ECHDC1: variants seen among roughly 807,000 people sequenced by gnomAD.
ECHDC1 encodes the protein ethylmalonyl-CoA decarboxylase.
Under a neutral mutation model 29.7 loss-of-function variants are expected in ECHDC1, and 29 were observed. The ratio of observed to expected loss-of-function variants is 0.98; its 90% CI spans 0.73 to 1.33. ECHDC1 has a LOEUF of 1.33. Among genes scored for constraint, ECHDC1 ranks in the 40% most tolerant of loss-of-function variants. ECHDC1 has a pLI of 0.00. For missense variants in ECHDC1, 328 were observed against 350.0 expected (o/e 0.94, Z 0.50); for synonymous variants, 126 against 123.1 (o/e 1.02, Z -0.15).
At chr6:127,302,270 GAAC>G in intron 5 of ECHDC1, among the ~76,000 whole-genome samples, 1 of 152,282 alleles carries the variant, frequency 6.6e-6, no homozygotes, top group East Asian at 1.9e-4. Flanking sequence ...TAATAAAGGT[GAAC>G]ACCGGAATCT....
At chr6:127,326,973 A>C in intron 3 of ECHDC1, 29 bp downstream of exon 3, 1 of 1,599,872 alleles carries the variant, frequency 6.3e-7, no homozygotes, top group East Asian at 2.2e-5. Flanking sequence ...AACATGTAGA[A>C]TCAAATGCAT....
intron 1 of ECHDC1, among the ~76,000 whole-genome samples, chr6:127,342,076 A>C (rs560948968): frequency 1.3e-5 from 2 of 152,226 alleles, no homozygotes; most frequent in African/African-American, 4.8e-5. Flanking sequence ...TCTACCTGTT[A>C]CATTTTTGTC....
At chr6:127,326,423 C>A in intron 3 of ECHDC1, 1 of 377,856 alleles carries the variant, frequency 2.6e-6, no homozygotes, top group Non-Finnish European at 5.5e-6. Flanking sequence ...ACTACCCAGT[C>A]TCAGGTAGAT....
intron 3 of ECHDC1, among the ~76,000 whole-genome samples, chr6:127,318,833 A>G (rs1025050607): frequency 1.1e-4 from 17 of 152,240 alleles, no homozygotes; most frequent in Non-Finnish European, 4.4e-5. Context: ...GTAAAAGCCA[A>G]TGTGGAAGGA....
Position 127,290,206 on chromosome 6 carries a change from G to A in ECHDC1, c.569C>T (p.Thr190Ile), listed in dbSNP as rs1204625980. Residue 190 changes from threonine to isoleucine, a missense_variant, in exon 6 of 6, where the codon ACC becomes ATC. Transcript: ENST00000454859. The stretch of plus-strand genomic sequence containing the variant: ...TCCGATTATTTCAACTAGCCGGGTG[G>A]TGCCACCCCAGCTTGGTATTATGCC... ...EMGIIPSWGG[T>I]TRLVEIIGSR... 2 of 1,613,468 alleles carry A rather than the reference G, an allele frequency of 1.2e-6. No individual in the cohort carries two copies. Among genetic ancestry groups the A allele is most frequent in the African/African-American group, 2.7e-5 (2 of 74,874 alleles).
Position 127,327,131 on chromosome 6 carries a change from T to C in ECHDC1, c.234A>G (p.Leu78=), listed in dbSNP as rs1359140132. ...RMNAFSGVMM[L]QLLEKVIELE... is the part of the protein sequence containing the mutation. ...ATTCAATTACTTTTTCCAGAAGTTG[T>C]AGCATCATAACACCTGCCAGAGATG... The change falls in exon 3 of 6, where the codon CTA becomes CTG. Residue 78 remains leucine, a synonymous_variant. Transcript: ENST00000454859. 1.2e-6 allele frequency: 2 copies of C among 1,613,794 alleles called. No homozygotes were observed. The highest frequency in any genetic ancestry group is 1.7e-6 in the Non-Finnish European group (2 of 1,179,868).
chr6:127,326,833 G>A, intron 3 of ECHDC1, 169 bp downstream of exon 3: 1 of 635,452 alleles, frequency 1.6e-6, no homozygotes, highest in East Asian at 2.9e-5. Context: ...TCATTTGCTT[G>A]TTATATTGTT....
At chr6:127,338,395 T>C (rs943518588) in intron 1 of ECHDC1, among the ~76,000 whole-genome samples, 5 of 152,184 alleles carry the variant, frequency 3.3e-5, no homozygotes, top group African/African-American at 1.2e-4. Context: ...CCATTAAATT[T>C]AATGTATAAT....
chr6:127,302,854 CAT>C (rs1441410241), intron 5 of ECHDC1, among the ~76,000 whole-genome samples: 1 of 152,158 alleles, frequency 6.6e-6, no homozygotes, highest in Non-Finnish European at 1.5e-5. Flanking sequence ...TCATATCAAG[CAT>C]AAAGCCAATG....
At chr6:127,340,364 C>G (rs555112752) in intron 1 of ECHDC1, among the ~76,000 whole-genome samples, 32 of 152,308 alleles carry the variant, frequency 2.1e-4, no homozygotes, top group African/African-American at 6.3e-4. Flanking sequence ...AGGGAACTTG[C>G]TTTCTCCCTC....
intron 5 of ECHDC1, among the ~76,000 whole-genome samples, chr6:127,296,560 C>CAG (rs1403169208): frequency 6.6e-6 from 1 of 151,988 alleles, no homozygotes; most frequent in Non-Finnish European, 1.5e-5. Context: ...AAACACTTCA[C>CAG]AGATAATGAC....
chr6:127,301,218 C>T (rs779198503), intron 5 of ECHDC1, among the ~76,000 whole-genome samples: 1 of 152,092 alleles, frequency 6.6e-6, no homozygotes, highest in African/African-American at 2.4e-5. Context: ...TGAGTGTTTC[C>T]GACATACGTA....
intron 2 of ECHDC1, among the ~76,000 whole-genome samples, chr6:127,330,535 G>A (rs914178585): frequency 2.0e-5 from 3 of 151,970 alleles, no homozygotes; most frequent in Non-Finnish European, 2.9e-5. Context: ...AATGAATTTC[G>A]GTGGAAAATA....
chr6:127,295,863 C>T (rs1156463640), intron 5 of ECHDC1, among the ~76,000 whole-genome samples: 2 of 152,110 alleles, frequency 1.3e-5, no homozygotes, highest in African/African-American at 2.4e-5. Flanking sequence ...AAACAACAGA[C>T]CTAACTGCAA....
chr6:127,340,653 G>A (rs561515469), intron 1 of ECHDC1, among the ~76,000 whole-genome samples: 2 of 150,870 alleles, frequency 1.3e-5, no homozygotes, highest in South Asian at 4.2e-4. Flanking sequence ...GCAGATACAT[G>A]TGGGGCAGAG....
intron 1 of ECHDC1, among the ~76,000 whole-genome samples, chr6:127,333,617 A>G (rs1317435760): frequency 6.6e-6 from 1 of 151,464 alleles, no homozygotes; most frequent in Admixed American, 6.6e-5. Flanking sequence ...GTAGCTTGAA[A>G]TTGACCATGG....
chr6:127,307,202 C>T (rs1443037809), intron 5 of ECHDC1, among the ~76,000 whole-genome samples: 1 of 151,968 alleles, frequency 6.6e-6, no homozygotes, highest in Non-Finnish European at 1.5e-5. Context: ...CTATAAGTGC[C>T]TACATCAAAA....
intron 3 of ECHDC1, among the ~76,000 whole-genome samples, chr6:127,317,481 T>TA (rs1226448740): frequency 1.3e-5 from 2 of 152,112 alleles, no homozygotes; most frequent in Non-Finnish European, 2.9e-5. Context: ...TGCCACTTAA[T>TA]AACAACATGA....
intron 1 of ECHDC1, among the ~76,000 whole-genome samples, chr6:127,332,791 G>A (rs1200879175): frequency 6.6e-6 from 1 of 151,884 alleles, no homozygotes; most frequent in Admixed American, 6.6e-5. Context: ...TTGCTTTTTG[G>A]GGGCAGGGGA....
Sources: gnomAD v4.1 joint callset for allele counts (sites outside exome capture counted in the v4.1 genomes callset) on GRCh38, gnomAD v4.1.1 for gene constraint, MANE v1.5 for transcripts, NCBI Gene and HGNC (gene_info 2026-07-23, HGNC 2026-07-21) for gene names.